The following RPTOR variants were observed in gnomAD, a reference collection of about 807,000 sequenced individuals.
RPTOR encodes the protein regulatory-associated protein of mTOR.
RPTOR carries 21 observed loss-of-function variants against 169.9 expected under a neutral mutation model. The observed-to-expected ratio is 0.12, with a 90% CI of 0.09 to 0.18. RPTOR has a LOEUF of 0.18. Ranked by LOEUF, RPTOR falls within the 10% of genes least tolerant of loss-of-function variation. RPTOR has a pLI of 1.00. For synonymous variants in RPTOR, 732 were observed against 753.2 expected (o/e 0.97, Z 0.46); for missense variants, 1,133 against 1,855.9 (o/e 0.61, Z 7.16).
chr17:80,690,354 C>CACA (rs1344105170), intron 3 of RPTOR, among the ~76,000 whole-genome samples: 2 of 151,676 alleles, frequency 1.3e-5, no homozygotes, highest in Non-Finnish European at 2.9e-5. Context: ...CACACACACA[C>CACA]AATGTTTGTT....
At chr17:80,895,426 G>T (rs553330785) in intron 20 of RPTOR, among the ~76,000 whole-genome samples, 1 of 152,154 alleles carries the variant, frequency 6.6e-6, no homozygotes, top group African/African-American at 2.4e-5. Flanking sequence ...CGTGCTGTAC[G>T]TGTAACTTGT....
At chr17:80,785,701 C>T (rs1336563613) in intron 6 of RPTOR, among the ~76,000 whole-genome samples, 2 of 135,676 alleles carry the variant, frequency 1.5e-5, no homozygotes, top group East Asian at 3.9e-4. Flanking sequence ...TTGACTCTGA[C>T]TGAGTTGGGT....
rs1465499921 is a variant in RPTOR at position 80,861,619 on chromosome 17, C to T, written c.1509+3719C>T. Among the ~76,000 whole-genome samples the T allele has an allele frequency of 6.6e-6, 1 of 152,108 alleles. No homozygotes were observed. Among genetic ancestry groups the T allele is most frequent in the Non-Finnish European group, 1.5e-5 (1 of 68,022 alleles). On this transcript the variant is annotated intron_variant, in intron 13 of 33. Coordinates refer to ENST00000306801, the MANE Select transcript of RPTOR (RefSeq NM_020761.3). This position sits in a 1 kb window ranked among gnomAD's most constrained non-coding sequence, Gnocchi z 4.5. ...GGATGAAGGACCATGTGTAGGGGCT[C>T]TGGGATGCACAAAACGGTGACCCTC...
intron 16 of RPTOR, among the ~76,000 whole-genome samples, chr17:80,884,428 T>G (rs1260003983): frequency 6.6e-6 from 1 of 152,172 alleles, no homozygotes; most frequent in African/African-American, 2.4e-5. Context: ...TTGCCTTCAC[T>G]CTTCCCACCG....
intron 1 of RPTOR, among the ~76,000 whole-genome samples, chr17:80,579,882 G>C (rs986731017): frequency 2.6e-5 from 4 of 152,180 alleles, no homozygotes; most frequent in Non-Finnish European, 5.9e-5. Flanking sequence ...CTCATTCCAA[G>C]GATGCTGAGT....
chr17:80,914,395 G>A (rs374243012), intron 21 of RPTOR, among the ~76,000 whole-genome samples: 6 of 152,108 alleles, frequency 3.9e-5, no homozygotes, highest in East Asian at 3.9e-4. Context: ...CCACCCAGCC[G>A]TGGCTCCAGA....
rs2036674579 is a variant in RPTOR at position 80,844,168 on chromosome 17, T to C, written c.1213-2305T>C. Among the ~76,000 whole-genome samples the C allele has an allele frequency of 6.6e-6, 1 of 152,124 alleles. No individual in the cohort carries two copies. Among genetic ancestry groups the C allele is most frequent in the Non-Finnish European group, 1.5e-5 (1 of 68,030 alleles). ...CGCTCTCGAGATGTTTTCCGGAATATCATATAAAGTGTTGGCCACTCTTCC... is the reference window on the plus strand; with the variant it reads ...CGCTCTCGAGATGTTTTCCGGAATACCATATAAAGTGTTGGCCACTCTTCC... On this transcript the variant is annotated intron_variant, in intron 10 of 33. Transcript: ENST00000306801. This position sits in a 1 kb window ranked among gnomAD's most constrained non-coding sequence, Gnocchi z 4.7.
At chr17:80,792,357 C>G (rs979039399) in intron 7 of RPTOR, among the ~76,000 whole-genome samples, 1 of 152,174 alleles carries the variant, frequency 6.6e-6, no homozygotes, top group African/African-American at 2.4e-5. Flanking sequence ...CCAAGTTTCT[C>G]TTGTAAAAAC....
At chr17:80,937,223 T>A (rs1246306560) in intron 24 of RPTOR, among the ~76,000 whole-genome samples, 1 of 152,118 alleles carries the variant, frequency 6.6e-6, no homozygotes, top group Non-Finnish European at 1.5e-5. Flanking sequence ...CATGGGTGCC[T>A]CTCCCCTTTT....
chr17:80,629,432 C>G (rs1199967498), intron 2 of RPTOR, among the ~76,000 whole-genome samples: 1 of 151,682 alleles, frequency 6.6e-6, no homozygotes, highest in Non-Finnish European at 1.5e-5. Flanking sequence ...TGTACCGCAG[C>G]TCTTCTGTGT....
intron 9 of RPTOR, among the ~76,000 whole-genome samples, chr17:80,825,225 C>G (rs1180060759): frequency 1.3e-5 from 2 of 150,654 alleles, no homozygotes; most frequent in African/African-American, 4.9e-5. Flanking sequence ...GCAGCCACAT[C>G]CCACCTCTCC....
chr17:80,563,774 C>T (rs1327484846), intron 1 of RPTOR, among the ~76,000 whole-genome samples: 1 of 152,118 alleles, frequency 6.6e-6, no homozygotes, highest in African/African-American at 2.4e-5. Flanking sequence ...TGAACACTCT[C>T]ACAACCAGAT....
At position 80,684,404 on chromosome 17, in the gene RPTOR, GTTTATTTATTTA is replaced by G. The variant is rs55921146; in HGVS notation, c.349-23400_349-23389del. Among the ~76,000 whole-genome samples, 1,157 of 136,830 alleles carry G rather than the reference GTTTATTTATTTA, an allele frequency of 8.5e-3. 11 individuals are homozygous for G. The highest frequency in any genetic ancestry group is 0.023 in the African/African-American group (835 of 35,994). 89.8% of individuals were successfully genotyped at this position (136,830 alleles called of 152,430 possible). ...TTTTTTTTTAAATAAGGAGATACAT[GTTTATTTATTTA>G]TTTATTTATTTATTTATTTATTTAT... On this transcript the variant is annotated intron_variant, in intron 3 of 33. Transcript: ENST00000306801.
chr17:80,842,947 G>C (rs2067687233), intron 10 of RPTOR, among the ~76,000 whole-genome samples: 1 of 152,122 alleles, frequency 6.6e-6, no homozygotes, highest in East Asian at 1.9e-4. Flanking sequence ...TCCCTCGTTT[G>C]TCCCTTTGCT....
At chr17:80,698,468 G>A (rs529887278) in intron 3 of RPTOR, among the ~76,000 whole-genome samples, 7 of 152,282 alleles carry the variant, frequency 4.6e-5, no homozygotes, top group Admixed American at 1.3e-4. Flanking sequence ...CCTGCTCCCC[G>A]GGGGCCATTC....
At chr17:80,664,315 T>C (rs2065747148) in intron 3 of RPTOR, among the ~76,000 whole-genome samples, 1 of 152,194 alleles carries the variant, frequency 6.6e-6, no homozygotes, top group Admixed American at 6.5e-5. Flanking sequence ...TTTATTTTTT[T>C]CCCTAAGTAA....
At chr17:80,871,442 C>T (rs970162003) in intron 13 of RPTOR, among the ~76,000 whole-genome samples, 2 of 152,140 alleles carry the variant, frequency 1.3e-5, no homozygotes, top group Non-Finnish European at 2.9e-5. Flanking sequence ...CTGGTCCCGT[C>T]ATAATGAGGG....
chr17:80,862,714 G>A (rs925929750), intron 13 of RPTOR, among the ~76,000 whole-genome samples: 4 of 151,038 alleles, frequency 2.6e-5, no homozygotes, highest in African/African-American at 7.4e-5. Flanking sequence ...GTGGTCCTCC[G>A]GGGCTCCGCC....
chr17:80,563,585 T>A (rs201915654), intron 1 of RPTOR, among the ~76,000 whole-genome samples: 2 of 136,994 alleles, frequency 1.5e-5, no homozygotes, highest in Admixed American at 7.9e-5. Flanking sequence ...AAAAAAAAGA[T>A]AATAAATAAA....
Sources: gnomAD v4.1 joint callset for allele counts (sites outside exome capture counted in the v4.1 genomes callset) on GRCh38, gnomAD v4.1.1 for gene constraint, Gnocchi (gnomAD v3.1) non-coding constraint, MANE v1.5 for transcripts, NCBI Gene and HGNC (gene_info 2026-07-23, HGNC 2026-07-21) for gene names.